DNAH6: variants seen among roughly 807,000 people sequenced by gnomAD.
DNAH6 encodes dynein axonemal heavy chain 6.
Under a neutral mutation model 491.4 loss-of-function variants are expected in DNAH6, and 340 were observed. The observed-to-expected ratio is 0.69, with a 90% CI of 0.63 to 0.76. The LOEUF (loss-of-function observed/expected upper bound fraction) is 0.76, where lower values mean the gene tolerates loss of function less well. Ranked by LOEUF, DNAH6 falls within the 30% of genes least tolerant of loss-of-function variation. The pLI, the probability that DNAH6 is intolerant of heterozygous loss-of-function variation, is 0.00. For missense variants in DNAH6, 4,443 were observed against 4,972.2 expected (o/e 0.89, Z 3.20); for synonymous variants, 1,603 against 1,686.1 (o/e 0.95, Z 1.21).
chr2:84,730,519 A>G (rs1359831794), intron 61 of DNAH6, among the ~76,000 whole-genome samples: 2 of 152,172 alleles, frequency 1.3e-5, no homozygotes, highest in African/African-American at 2.4e-5. Context: ...GCCACACTCA[A>G]AATACACTAA....
intron 13 of DNAH6, among the ~76,000 whole-genome samples, chr2:84,579,255 C>T (rs145262922): frequency 3.9e-3 from 598 of 152,282 alleles, no homozygotes; most frequent in Non-Finnish European, 7.1e-3. Flanking sequence ...GCACAATGTC[C>T]ACTACATAGG....
At position 84,624,982 on chromosome 2, in the gene DNAH6, A is replaced by T. The variant is rs1269308798; in HGVS notation, c.4434A>T (p.Lys1478Asn). The part of the protein sequence containing the change: ...GAPAGPAGTG[K>N]TETTKDLAKA... ...CAGCTGGTCCTGCTGGCACTGGGAA[A>T]ACAGAGACTACCAAAGATCTGGCAA... Residue 1478 changes from lysine to asparagine, a missense_variant, in exon 29 of 77, where the codon AAA becomes AAT. Coordinates refer to ENST00000389394, the MANE Select transcript of DNAH6 (RefSeq NM_001370.2). 5 of 1,551,546 alleles carry T rather than the reference A, an allele frequency of 3.2e-6. No individual in the cohort carries two copies. The Admixed American group carries it at 9.8e-5, about 30-fold the overall frequency.
chr2:84,623,148 G>T (rs1436321005), intron 26 of DNAH6, among the ~76,000 whole-genome samples: 1 of 152,134 alleles, frequency 6.6e-6, no homozygotes, highest in African/African-American at 2.4e-5. Context: ...ATCCCTAGAA[G>T]AAGGCATAGG....
intron 62 of DNAH6, among the ~76,000 whole-genome samples, chr2:84,734,470 T>C (rs1435329269): frequency 6.6e-6 from 1 of 152,194 alleles, no homozygotes; most frequent in Non-Finnish European, 1.5e-5. Flanking sequence ...CTTTTTCTTA[T>C]TTATAATTTA....
chr2:84,758,330 A>G (rs921766583), intron 63 of DNAH6, among the ~76,000 whole-genome samples: 37 of 152,224 alleles, frequency 2.4e-4, no homozygotes, highest in African/African-American at 8.7e-4. Context: ...TAAAAAGCAA[A>G]TGGTTTATAT....
chr2:84,551,398 G>GC (rs1553419447), intron 9 of DNAH6, among the ~76,000 whole-genome samples: 1 of 152,088 alleles, frequency 6.6e-6, no homozygotes, highest in Non-Finnish European at 1.5e-5. Flanking sequence ...CTTCAAAGGG[G>GC]AAAAAAGATA....
chr2:84,807,885 C>T (rs1160079097), intron 71 of DNAH6, among the ~76,000 whole-genome samples: 1 of 152,160 alleles, frequency 6.6e-6, no homozygotes, highest in East Asian at 1.9e-4. Context: ...CTCACCTCCT[C>T]CCCACAGTCA....
At chr2:84,728,992 C>T (rs1434779560) in intron 61 of DNAH6, among the ~76,000 whole-genome samples, 1 of 152,148 alleles carries the variant, frequency 6.6e-6, no homozygotes, top group East Asian at 1.9e-4. Flanking sequence ...CCCAGTGTAT[C>T]ACTAGGAGGT....
chr2:84,692,255 G>A lies in DNAH6; in HGVS notation c.7293-1994G>A, dbSNP rs139354783. Among the ~76,000 whole-genome samples the A allele has an allele frequency of 1.8e-4, 28 of 152,290 alleles. No homozygotes were observed. In the East Asian group the frequency reaches 3.3e-3, roughly 18 times the overall value. ...CTCATAGAGAAATGGACAGCATCCA[G>A]GCCCCCATGATGAAGCTTACATGTG... On this transcript the variant is annotated intron_variant, in intron 45 of 76. Coordinates refer to ENST00000389394, the MANE Select transcript of DNAH6 (RefSeq NM_001370.2).
At chr2:84,818,054 A>T (rs1003139927) in intron 76 of DNAH6, among the ~76,000 whole-genome samples, 8 of 152,208 alleles carry the variant, frequency 5.3e-5, no homozygotes, top group Non-Finnish European at 1.2e-4. Context: ...GAATTCTTAC[A>T]AATCAGTAAG....
In DNAH6 at chr2:84,808,447, C is replaced by G. The variant is rs925132694; in HGVS notation, c.11644C>G (p.Leu3882Val). Residue 3882 changes from leucine (L) to valine (V), a missense_variant, in exon 72 of 77, where the codon CTT becomes GTT. Around this residue, in one of 3 missense-constraint regions of DNAH6, gnomAD observed 1,463 missense variants for 1,656.6 expected, o/e 0.88. Transcript: ENST00000389394. ...GGAAATGGAGGGTGCTTCTGAGAGC[C>G]TTTTTGTCAAGGATCTTCAAGGACG... ...KLEMEGASES[L>V]FVKDLQGRLN... The G allele has an allele frequency of 1.0e-5, 16 of 1,545,418 alleles. No individual in the cohort carries two copies. In the East Asian group the frequency reaches 3.9e-4, roughly 38 times the overall value.
At chr2:84,579,413 C>T (rs1573085713) in intron 13 of DNAH6, 114 bp from the exon 14 acceptor site, 1 of 1,142,432 alleles carries the variant, frequency 8.8e-7, no homozygotes, top group East Asian at 2.5e-5. Flanking sequence ...TCTTCGTATT[C>T]ACTGCTGCTT....
intron 62 of DNAH6, among the ~76,000 whole-genome samples, chr2:84,737,582 C>G (rs1699622599): frequency 6.6e-6 from 1 of 151,770 alleles, no homozygotes; most frequent in South Asian, 2.1e-4. Context: ...AGGAATTGAT[C>G]CATTTCTCTA....
chr2:84,741,222 A>G lies in DNAH6; in HGVS notation c.10343-3858A>G, dbSNP rs546945792. ...GGCAGCAGCAGTCACATCAGCCCAA[A>G]CTCAGGCCAAGGATGAGGCACAGCT... On this transcript the variant is annotated intron_variant, in intron 62 of 76. Transcript: ENST00000389394. Among the ~76,000 whole-genome samples the G allele has an allele frequency of 2.0e-5, 3 of 152,178 alleles. No homozygotes were observed. In the South Asian group the frequency reaches 6.2e-4, roughly 32 times the overall value.
intron 61 of DNAH6, 97 bp downstream of exon 61, chr2:84,727,999 G>A (rs1256892233): frequency 1.3e-6 from 1 of 783,404 alleles, no homozygotes; most frequent in East Asian, 2.7e-5. Context: ...CCCATGTGCT[G>A]TAGGATGGAC....
At chr2:84,649,496 T>C (rs151214749) in intron 33 of DNAH6, among the ~76,000 whole-genome samples, 2 of 152,322 alleles carry the variant, frequency 1.3e-5, no homozygotes, top group East Asian at 3.9e-4. Flanking sequence ...CCTTTTCCTT[T>C]ATCTGAGAAT....
chr2:84,490,949 C>G, the DNAH6 span, among the ~76,000 whole-genome samples: 10 of 152,228 alleles, frequency 6.6e-5, no homozygotes, highest in African/African-American at 2.4e-4. Flanking sequence ...GTAGTTTGTT[C>G]CTTTATATTG....
At chr2:84,755,219 A>G (rs1673882163) in intron 63 of DNAH6, among the ~76,000 whole-genome samples, 1 of 152,204 alleles carries the variant, frequency 6.6e-6, no homozygotes, top group African/African-American at 2.4e-5. Context: ...AGTTATCACA[A>G]GAATGGGCTT....
chr2:84,473,793 C>T, the DNAH6 span, among the ~76,000 whole-genome samples: 2 of 152,130 alleles, frequency 1.3e-5, no homozygotes, highest in African/African-American at 4.8e-5. Flanking sequence ...TGGATTTTAT[C>T]GGGGGCTATA....
Sources: gnomAD v4.1 joint callset for allele counts (sites outside exome capture counted in the v4.1 genomes callset) on GRCh38, gnomAD v4.1.1 for gene constraint, gnomAD v4.1.1 regional missense constraint, MANE v1.5 for transcripts, NCBI Gene and HGNC (gene_info 2026-07-23, HGNC 2026-07-21) for gene names.